Variants in COPS7B observed in about 807,000 individuals in gnomAD.
COPS7B encodes COP9 signalosome subunit 7B.
Under a neutral mutation model 33.4 loss-of-function variants are expected in COPS7B, and 9 were observed. The observed-to-expected ratio is 0.27, with a 90% CI of 0.16 to 0.47. The LOEUF (loss-of-function observed/expected upper bound fraction) is 0.47. COPS7B is among the 20% of genes least tolerant of loss of function. The pLI is 0.99. For missense variants in COPS7B, 242 were observed against 318.2 expected, an observed-to-expected ratio of 0.76 and a Z score of 1.82; for synonymous variants, 119 against 126.3, an observed-to-expected ratio of 0.94 and a Z score of 0.39.
rs943958166 is a variant in COPS7B at position 231,807,397 on chromosome 2, T to C, written c.637-90T>C. Reference sequence around the variant, plus strand: ...TTTCAGGTTTTCTTGCAGAGGATTTTAGCTTCCTGTCTGAAGTGAAGACAT... The same window carrying C: ...TTTCAGGTTTTCTTGCAGAGGATTTCAGCTTCCTGTCTGAAGTGAAGACAT... On this transcript the variant is annotated intron_variant, in intron 6 of 6. Coordinates refer to ENST00000350033, the MANE Select transcript of COPS7B (RefSeq NM_022730.4). 8 of 1,258,550 alleles carry C rather than the reference T, an allele frequency of 6.4e-6. No homozygotes were observed. The African/African-American group carries it at 1.1e-4, about 17-fold the overall frequency. 78.0% of individuals were successfully genotyped at this position (1,258,550 alleles called of 1,614,324 possible). A position where few individuals can be genotyped will look rare whatever the true frequency, so the allele number is the denominator to read the frequency against.
upstream of COPS7B, chr2:231,781,746 C>G (rs2049136426): frequency 2.3e-6 from 3 of 1,299,666 alleles, no homozygotes; most frequent in South Asian, 2.6e-5. Context: ...AATTCACAAA[C>G]CCGCCCGCTG....
upstream of COPS7B, among the ~76,000 whole-genome samples, chr2:231,785,673 C>T (rs117783138): frequency 2.6e-5 from 4 of 152,322 alleles, no homozygotes; most frequent in East Asian, 7.7e-4. Context: ...TGCATTCTAA[C>T]GCACGATAGG....
Position 231,807,860 on chromosome 2 carries a change from C to T in COPS7B, c.*215C>T, listed in dbSNP as rs2049941430. 7 of 484,642 alleles carry T rather than the reference C, an allele frequency of 1.4e-5. No homozygotes were observed. The highest frequency in any genetic ancestry group is 7.1e-5 in the East Asian group (2 of 28,222). The allele number at this position is 484,642 out of a possible 1,614,324, so 30.0% of individuals were successfully genotyped here. Reference sequence around the variant, plus strand: ...GTTGTTCCCTTCAGACTCAGGGGCTCCACCAATGCCATCCCAAAACAGGGT... The same window carrying T: ...GTTGTTCCCTTCAGACTCAGGGGCTTCACCAATGCCATCCCAAAACAGGGT... On this transcript the variant is annotated 3_prime_UTR_variant, in exon 7 of 7. Transcript: ENST00000350033.
chr2:231,801,062 T>A (rs2049730878), intron 6 of COPS7B: 4 of 1,166,092 alleles, frequency 3.4e-6, no homozygotes, highest in Non-Finnish European at 5.0e-6. Context: ...TTTATGCCTC[T>A]GTTACCCTTG....
At chr2:231,792,269 A>G (rs2049439136) in intron 3 of COPS7B, 2 of 342,758 alleles carry the variant, frequency 5.8e-6, no homozygotes, top group Non-Finnish European at 1.1e-5. Context: ...AGGCAGGCAG[A>G]TCACTTGAGG....
chr2:231,784,863 A>C (rs2106300622), upstream of COPS7B, among the ~76,000 whole-genome samples: 4 of 152,290 alleles, frequency 2.6e-5, 1 homozygote, highest in Middle Eastern at 0.01. Flanking sequence ...CCCAGGCTGG[A>C]ATGCAGTGGC....
At chr2:231,786,775 T>G (rs1424540290) in intron 1 of COPS7B, among the ~76,000 whole-genome samples, 2 of 151,934 alleles carry the variant, frequency 1.3e-5, no homozygotes, top group African/African-American at 4.8e-5. Flanking sequence ...CTGCTTTCGC[T>G]CTCCCATCCC....
At chr2:231,792,103 G>A (rs912922718) in intron 3 of COPS7B, 4 of 589,098 alleles carry the variant, frequency 6.8e-6, no homozygotes, top group South Asian at 4.6e-5. Context: ...GTGCTGTGAA[G>A]TGCAGAATAC....
chr2:231,803,919 TTGCC>T (rs1304099424), intron 6 of COPS7B, among the ~76,000 whole-genome samples: 1 of 152,188 alleles, frequency 6.6e-6, no homozygotes, highest in Non-Finnish European at 1.5e-5. Context: ...CAGCGGAGCG[TTGCC>T]GTTGGTGGAT....
Position 231,808,329 on chromosome 2 carries a change from G to C in COPS7B, c.*684G>C, listed in dbSNP as rs1218202725. The C allele has an allele frequency of 2.4e-6, 1 of 422,820 alleles. No individual in the cohort carries two copies. The highest frequency in any genetic ancestry group is 2.0e-5 in the African/African-American group (1 of 48,922). The allele number at this position is 422,820 out of a possible 1,614,324, so 26.2% of individuals were successfully genotyped here. On this transcript the variant is annotated 3_prime_UTR_variant, in exon 7 of 7. Transcript: ENST00000350033. ...AGACAGAGGGTGCTGTGGGTCTGCT[G>C]GGTGGCAGAAATGGTTCCTTCCGGC...
rs1479078289 is a variant in COPS7B at position 231,798,981 on chromosome 2, A to G, written c.636+17A>G. 6.2e-7 allele frequency: 1 copy of G among 1,603,104 alleles called. No homozygotes were observed. The highest frequency in any genetic ancestry group is 1.7e-5 in the Admixed American group (1 of 59,822). ...GAAGCAGAGGTAAGGAAGGAAAGGA[A>G]CATTTGTTTCTCTCTCCAGGCATAC... On this transcript the variant is annotated intron_variant, in intron 6 of 6. Transcript: ENST00000350033.
rs544942599 is a variant in COPS7B, at chr2:231,794,854, C to G, written c.327+503C>G. 4.6e-5 allele frequency among the ~76,000 whole-genome samples: 7 copies of G among 152,020 alleles called. No homozygotes were observed. In the South Asian group the frequency reaches 1.2e-3, roughly 27 times the overall value. On this transcript the variant is annotated intron_variant, in intron 4 of 6. Transcript: ENST00000350033. ...CACTGCAACCTCTGCCTCCCAGATT[C>G]GAGCGATTCCCCTACTCAGCCCCAA... is the stretch of plus-strand genomic sequence containing the variant.
upstream of COPS7B, among the ~76,000 whole-genome samples, chr2:231,784,537 C>T (rs1202192136): frequency 6.6e-6 from 1 of 152,096 alleles, no homozygotes; most frequent in East Asian, 1.9e-4. Flanking sequence ...GGAGTCTGGA[C>T]ATTGTTCTAG....
At chr2:231,781,894 A>G (rs749396356), upstream of COPS7B, 30 of 1,549,696 alleles carry the variant, frequency 1.9e-5, no homozygotes, top group East Asian at 1.7e-4. Flanking sequence ...GTAAGGCTGC[A>G]AACAACAAAC....
intron 3 of COPS7B, 141 bp downstream of exon 3, chr2:231,791,949 G>A: frequency 1.3e-6 from 1 of 746,644 alleles, no homozygotes. Context: ...GTGCCCGGTG[G>A]GTGACCTCAC....
At chr2:231,793,662 C>T (rs1310957814) in intron 3 of COPS7B, 1 of 152,272 alleles carries the variant, frequency 6.6e-6, no homozygotes, top group African/African-American at 2.4e-5. Flanking sequence ...TGATACTGTT[C>T]TCTTTCCCTC....
At chr2:231,794,705 A>T (rs1157484047) in intron 4 of COPS7B, among the ~76,000 whole-genome samples, 1 of 152,144 alleles carries the variant, frequency 6.6e-6, no homozygotes, top group Non-Finnish European at 1.5e-5. Context: ...GTACACAGTG[A>T]ACTATGCCCA....
At position 231,801,198 on chromosome 2, in the gene COPS7B, C is replaced by T. The variant is rs1312128571; in HGVS notation, c.636+2234C>T. 1.9e-6 allele frequency: 3 copies of T among 1,550,456 alleles called. No individual in the cohort carries two copies. In the Admixed American group the frequency reaches 5.9e-5, roughly 30 times the overall value. On this transcript the variant is annotated intron_variant, in intron 6 of 6. Coordinates refer to ENST00000350033, the MANE Select transcript of COPS7B (RefSeq NM_022730.4). The stretch of plus-strand genomic sequence containing the variant: ...CCCCTCCTGAATCTTATAACAACAG[C>T]TTTCTTCTGGTGAGTTGTAGCTTTA...
intron 5 of COPS7B, among the ~76,000 whole-genome samples, chr2:231,797,991 G>A (rs1451945290): frequency 2.6e-5 from 4 of 152,188 alleles, no homozygotes; most frequent in South Asian, 4.2e-4. Context: ...AGGTTCAAGC[G>A]ATTCTCCTGC....
Sources: allele counts gnomAD v4.1 joint callset (sites outside exome capture counted in the v4.1 genomes callset), GRCh38; gene constraint gnomAD v4.1.1; transcripts MANE v1.5; gene names NCBI Gene and HGNC (gene_info 2026-07-23, HGNC 2026-07-21).